SLC13A3: variants seen among roughly 807,000 people sequenced by gnomAD.
SLC13A3 encodes the protein Na(+)/dicarboxylate cotransporter 3.
SLC13A3 carries 40 observed loss-of-function variants against 59.0 expected under a neutral mutation model. The observed-to-expected ratio is 0.68, with a 90% CI of 0.53 to 0.88. SLC13A3 has a LOEUF of 0.88. SLC13A3 is among the 40% of genes least tolerant of loss of function. The pLI is 0.00. For synonymous variants in SLC13A3, 317 were observed against 330.3 expected (o/e 0.96, Z 0.44); for missense variants, 699 against 783.2 (o/e 0.89, Z 1.28).
At chr20:46,609,056 T>C in intron 3 of SLC13A3, 8 of 1,550,270 alleles carry the variant, frequency 5.2e-6, no homozygotes, top group Non-Finnish European at 6.1e-6. Flanking sequence ...TGGGTTCTAT[T>C]CCTAAAAGAA....
intron 3 of SLC13A3, among the ~76,000 whole-genome samples, chr20:46,600,287 G>GGA (rs2062361245): frequency 9.0e-6 from 1 of 110,516 alleles, no homozygotes; most frequent in African/African-American, 4.1e-5. Context: ...AAAGGAAAGG[G>GGA]AGGGAAAGAA....
At chr20:46,585,148 A>G (rs1364255612) in intron 8 of SLC13A3, 8 of 984,784 alleles carry the variant, frequency 8.1e-6, no homozygotes, top group Non-Finnish European at 9.6e-6. Context: ...ATAAAATTAA[A>G]AAAAAAGAAT....
At chr20:46,570,556 T>C (rs556032215) in intron 10 of SLC13A3, among the ~76,000 whole-genome samples, 4 of 152,188 alleles carry the variant, frequency 2.6e-5, no homozygotes, top group Non-Finnish European at 5.9e-5. Context: ...CTGTAGAATA[T>C]CTGTTGTTTA....
intron 3 of SLC13A3, among the ~76,000 whole-genome samples, chr20:46,607,157 A>G (rs905388368): frequency 6.6e-6 from 1 of 152,230 alleles, no homozygotes; most frequent in Non-Finnish European, 1.5e-5. Flanking sequence ...CATCTATAAA[A>G]TGGGCATCAT....
intron 10 of SLC13A3, 52 bp downstream of exon 10, chr20:46,575,521 C>T: frequency 8.7e-7 from 1 of 1,144,748 alleles, no homozygotes; most frequent in South Asian, 1.6e-5. Flanking sequence ...TGGGACCCGC[C>T]CACACCTGCC....
intron 1 of SLC13A3, 29 bp downstream of exon 1, chr20:46,651,282 C>CG (rs1196358894): frequency 6.8e-7 from 1 of 1,460,986 alleles, no homozygotes; most frequent in South Asian, 1.4e-5. Flanking sequence ...TGTGGTTGAC[C>CG]GGGGGCGCAC....
At position 46,559,395 on chromosome 20, in the gene SLC13A3, A is replaced by G. The variant is rs1469575261; in HGVS notation, c.*627T>C. ...GCTCAGGAGCCCAGAGAAACAGCAA[A>G]GAGGCTTTGCACAGTCTCATGTCCT... On this transcript the variant is annotated 3_prime_UTR_variant, in exon 13 of 13. Transcript: ENST00000279027. 3.3e-5 allele frequency: 5 copies of G among 152,256 alleles called. No homozygotes were observed. Among genetic ancestry groups the G allele is most frequent in the African/African-American group, 1.2e-4 (5 of 41,470 alleles). The allele number at this position is 152,256 out of a possible 1,614,324, so 9.4% of individuals were successfully genotyped here.
intron 1 of SLC13A3, among the ~76,000 whole-genome samples, chr20:46,662,139 T>C (rs1371549220): frequency 1.3e-5 from 2 of 152,218 alleles, no homozygotes; most frequent in African/African-American, 4.8e-5. Flanking sequence ...TATGAGTCTC[T>C]TCTCCCCCAT....
intron 10 of SLC13A3, among the ~76,000 whole-genome samples, chr20:46,575,052 AATTG>A (rs2146096715): frequency 6.6e-6 from 1 of 151,786 alleles, no homozygotes; most frequent in African/African-American, 2.4e-5. Context: ...GAGGTGAGAG[AATTG>A]ATTAAGCCCG....
At chr20:46,577,563 G>T (rs193250641) in intron 9 of SLC13A3, among the ~76,000 whole-genome samples, 33 of 152,218 alleles carry the variant, frequency 2.2e-4, no homozygotes, top group African/African-American at 7.5e-4. Flanking sequence ...CTTGAGCAGG[G>T]TCCCATGTAA....
At chr20:46,603,632 C>T (rs969746881) in intron 3 of SLC13A3, among the ~76,000 whole-genome samples, 6 of 151,606 alleles carry the variant, frequency 4.0e-5, no homozygotes, top group Non-Finnish European at 7.4e-5. Flanking sequence ...AAGCGATCCT[C>T]TCACCTCGGC....
intron 1 of SLC13A3, among the ~76,000 whole-genome samples, chr20:46,620,223 A>G (rs534749930): frequency 1.3e-5 from 2 of 152,336 alleles, no homozygotes; most frequent in South Asian, 4.1e-4. Flanking sequence ...ACCTTATGAA[A>G]GGAAGGTTAG....
rs777714149 is a variant in SLC13A3, at chr20:46,596,300, C to T, written c.651G>A (p.Pro217=). The change falls in exon 5 of 13, where the codon CCG becomes CCA. Residue 217 remains proline (P), a synonymous_variant. Transcript: ENST00000279027. ...PGETEVPLDL[P]ADSRKEDEYR... The stretch of plus-strand genomic sequence containing the variant: ...ATTCATCCTCCTTCCTGGAGTCAGC[C>T]GGCAGATCCAGTGGAACCTCTGTCT... The T allele has an allele frequency of 1.2e-5, 20 of 1,614,018 alleles. No individual in the cohort carries two copies. Among genetic ancestry groups the T allele is most frequent in the South Asian group, 7.7e-5 (7 of 91,078 alleles).
chr20:46,604,858 C>T (rs2062421396), intron 3 of SLC13A3, among the ~76,000 whole-genome samples: 1 of 152,198 alleles, frequency 6.6e-6, no homozygotes, highest in Admixed American at 6.5e-5. Flanking sequence ...GGCAAAGTTG[C>T]TCCCCAGGGG....
intron 4 of SLC13A3, among the ~76,000 whole-genome samples, chr20:46,599,290 G>A (rs2062348430): frequency 6.6e-6 from 1 of 152,248 alleles, no homozygotes; most frequent in Non-Finnish European, 1.5e-5. Context: ...GCCCAGCACT[G>A]CCTTGAGCAG....
Position 46,583,600 on chromosome 20 carries a change from G to C in SLC13A3, c.1191C>G (p.Pro397=), listed in dbSNP as rs2062160911. 1 of 1,613,508 alleles carries C rather than the reference G, an allele frequency of 6.2e-7. No individual in the cohort carries two copies. Among genetic ancestry groups the C allele is most frequent in the Non-Finnish European group, 8.5e-7 (1 of 1,179,850 alleles). The change falls in exon 9 of 13, where the codon CCC becomes CCG. Residue 397 remains proline, a synonymous_variant. Transcript: ENST00000279027. ...TGAAGTCAAACCACCACTTGAGAGA[G>C]GGCCTTTGGGACGGGAAGAAGAACA... The part of the protein sequence containing the change: ...TILFFFPSQR[P]SLKWWFDFKA...
intron 1 of SLC13A3, among the ~76,000 whole-genome samples, chr20:46,657,298 G>A (rs578225544): frequency 2.0e-5 from 3 of 151,620 alleles, no homozygotes; most frequent in Non-Finnish European, 2.9e-5. Flanking sequence ...ATTTGAACCC[G>A]GGAGGCAGAA....
At chr20:46,646,425 T>C (rs2062895113) in intron 1 of SLC13A3, among the ~76,000 whole-genome samples, 1 of 152,238 alleles carries the variant, frequency 6.6e-6, no homozygotes, top group African/African-American at 2.4e-5. Flanking sequence ...ATTTTGTAAA[T>C]GTGAGAAAAT....
chr20:46,660,589 G>T (rs1295225121), intron 1 of SLC13A3, among the ~76,000 whole-genome samples: 1 of 152,090 alleles, frequency 6.6e-6, no homozygotes, highest in Non-Finnish European at 1.5e-5. Context: ...CTTTTCAGCA[G>T]TTTGACTGAA....
Sources: allele counts gnomAD v4.1 joint callset (sites outside exome capture counted in the v4.1 genomes callset), GRCh38; gene constraint gnomAD v4.1.1; transcripts MANE v1.5; gene names NCBI Gene and HGNC (gene_info 2026-07-23, HGNC 2026-07-21).